The following CAMK1D variants were observed in gnomAD, a reference collection of about 807,000 sequenced individuals.
The protein encoded by CAMK1D is calcium/calmodulin-dependent protein kinase type 1D.
In CAMK1D, 9 loss-of-function variants were observed where a neutral mutation model predicts 47.7. The observed-to-expected ratio is 0.19, with a 90% CI of 0.11 to 0.33. The LOEUF is 0.33. CAMK1D is among the 10% of genes least tolerant of loss of function. The pLI is 1.00. For missense variants in CAMK1D, 291 were observed against 488.7 expected, an observed-to-expected ratio of 0.60 and a Z score of 3.81; for synonymous variants, 184 against 184.9, an observed-to-expected ratio of 0.99 and a Z score of 0.04.
intron 1 of CAMK1D, among the ~76,000 whole-genome samples, chr10:12,474,199 CTTTTT>C (rs35554522): frequency 8.4e-6 from 1 of 119,348 alleles, no homozygotes; most frequent in Admixed American, 9.1e-5. Flanking sequence ...GAGGATCGTT[CTTTTT>C]TTTTTTTTTT....
intron 6 of CAMK1D, among the ~76,000 whole-genome samples, chr10:12,795,545 C>T (rs1308404148): frequency 2.6e-5 from 4 of 152,150 alleles, no homozygotes; most frequent in Non-Finnish European, 4.4e-5. Flanking sequence ...AGAGGTCAGC[C>T]CCTGCAGTGT....
intron 1 of CAMK1D, among the ~76,000 whole-genome samples, chr10:12,364,837 A>ATAAAAGTCG (rs1837785526): frequency 6.6e-6 from 1 of 152,068 alleles, no homozygotes; most frequent in Admixed American, 6.6e-5. Flanking sequence ...CCTGACTTAG[A>ATAAAAGTCG]CTTTTAGGAG....
At chr10:12,555,569 C>T (rs1464648429) in intron 2 of CAMK1D, among the ~76,000 whole-genome samples, 1 of 152,150 alleles carries the variant, frequency 6.6e-6, no homozygotes, top group African/African-American at 2.4e-5. Flanking sequence ...CAGGAAAACA[C>T]GATGTTAATG....
At position 12,427,709 on chromosome 10, in the gene CAMK1D, T is replaced by TG. The variant is rs1249843759; in HGVS notation, c.92+77799_92+77800insG. On this transcript the variant is annotated intron_variant, in intron 1 of 10. Transcript: ENST00000619168. ...CTTCACTGAACTTACTGTTTTTTTTTTTTTTTTTTTTTTTTTGAGACGGAG... is the reference window on the plus strand; with the variant it reads ...CTTCACTGAACTTACTGTTTTTTTTTGTTTTTTTTTTTTTTTTGAGACGGAG... Among the ~76,000 whole-genome samples, 32 of 107,012 alleles carry TG rather than the reference T, an allele frequency of 3.0e-4. 2 individuals carry two copies. The highest frequency in any genetic ancestry group is 1.1e-3 in the African/African-American group (30 of 27,102). 70.2% of individuals were successfully genotyped at this position (107,012 alleles called of 152,430 possible).
chr10:12,680,807 C>T (rs1840966897), intron 3 of CAMK1D, among the ~76,000 whole-genome samples: 2 of 151,786 alleles, frequency 1.3e-5, no homozygotes. Context: ...ATTGCTTGCA[C>T]CCAGGAATTC....
chr10:12,705,750 G>C (rs140190875), intron 3 of CAMK1D, among the ~76,000 whole-genome samples: 210 of 152,346 alleles, frequency 1.4e-3, no homozygotes, highest in Non-Finnish European at 2.1e-3. Context: ...CATGCTTTCT[G>C]TCAGTATCAT....
intron 7 of CAMK1D, 40 bp downstream of exon 7, chr10:12,814,347 C>A: frequency 7.6e-7 from 1 of 1,315,752 alleles, no homozygotes; most frequent in Admixed American, 1.7e-5. Context: ...GCGGCCCCCG[C>A]GACACTTACA....
At chr10:12,700,853 C>T (rs1208328043) in intron 3 of CAMK1D, among the ~76,000 whole-genome samples, 2 of 152,156 alleles carry the variant, frequency 1.3e-5, no homozygotes, top group Non-Finnish European at 2.9e-5. Context: ...AAATTTTAGC[C>T]AGCAGGTGAA....
At chr10:12,445,923 G>A (rs1248487889) in intron 1 of CAMK1D, among the ~76,000 whole-genome samples, 2 of 152,022 alleles carry the variant, frequency 1.3e-5, no homozygotes, top group African/African-American at 4.8e-5. Flanking sequence ...AATGTCAAAT[G>A]CTAATTTTAG....
At chr10:12,662,651 C>CAAAAAAAAAAAAAAAAAAAAAAAAA (rs56807588) in intron 2 of CAMK1D, among the ~76,000 whole-genome samples, 7 of 140,506 alleles carry the variant, frequency 5.0e-5, no homozygotes, top group South Asian at 2.4e-4. Flanking sequence ...CACTCTGCCT[C>CAAAAAAAAAAAAAAAAAAAAAAAAA]AAAAAAAAAA....
At chr10:12,809,811 G>C (rs1004935435) in intron 6 of CAMK1D, among the ~76,000 whole-genome samples, 1 of 152,078 alleles carries the variant, frequency 6.6e-6, no homozygotes, top group Admixed American at 6.6e-5. Context: ...GAGACCTCCC[G>C]TGCTACATTG....
intron 2 of CAMK1D, among the ~76,000 whole-genome samples, chr10:12,577,865 C>G (rs145846555): frequency 2.0e-5 from 3 of 152,318 alleles, no homozygotes; most frequent in Non-Finnish European, 4.4e-5. Flanking sequence ...TAATGTCATT[C>G]CCAGGATCCC....
At chr10:12,763,729 TA>T (rs1320733615) in intron 4 of CAMK1D, among the ~76,000 whole-genome samples, 1 of 152,258 alleles carries the variant, frequency 6.6e-6, no homozygotes, top group African/African-American at 2.4e-5. Flanking sequence ...TGGATAACAT[TA>T]ACGTTACCAG....
intron 1 of CAMK1D, among the ~76,000 whole-genome samples, chr10:12,418,559 G>A (rs1267379018): frequency 6.6e-6 from 1 of 152,114 alleles, no homozygotes; most frequent in Non-Finnish European, 1.5e-5. Context: ...AGTGAGCTAG[G>A]ATCATGCACT....
chr10:12,671,911 CTT>C (rs773722384), intron 3 of CAMK1D, among the ~76,000 whole-genome samples: 8 of 98,908 alleles, frequency 8.1e-5, no homozygotes, highest in Non-Finnish European at 8.4e-5. Flanking sequence ...TCACCTAATT[CTT>C]TTTTTTTTTT....
In CAMK1D at chr10:12,364,232, A is replaced by G. The variant is rs768303707; in HGVS notation, c.92+14322A>G. Among the ~76,000 whole-genome samples, 147 of 131,872 alleles carry G rather than the reference A, an allele frequency of 1.1e-3. 1 individual carries two copies. The highest frequency in any genetic ancestry group is 4.8e-3 in the Admixed American group (54 of 11,204). The allele number at this position is 131,872 out of a possible 152,430, so 86.5% of individuals were successfully genotyped here. On this transcript the variant is annotated intron_variant, in intron 1 of 10. Coordinates refer to ENST00000619168, the MANE Select transcript of CAMK1D (RefSeq NM_153498.4). ...TAGGAGTCTCTTGACTCCAATGCGCATTCTCTTTTTTTTTTTTTTTTTTTT... is the reference window on the plus strand; with the variant it reads ...TAGGAGTCTCTTGACTCCAATGCGCGTTCTCTTTTTTTTTTTTTTTTTTTT...
intron 5 of CAMK1D, among the ~76,000 whole-genome samples, chr10:12,788,835 G>C (rs568423679): frequency 6.6e-6 from 1 of 152,328 alleles, no homozygotes; most frequent in East Asian, 1.9e-4. Context: ...TTGTAGTTCT[G>C]TCTCTCATTT....
At chr10:12,556,970 A>G (rs1836781660) in intron 2 of CAMK1D, among the ~76,000 whole-genome samples, 1 of 152,146 alleles carries the variant, frequency 6.6e-6, no homozygotes, top group African/African-American at 2.4e-5. Context: ...AACACAGTGG[A>G]ATCTGTAGGA....
chr10:12,767,515 C>T lies in CAMK1D; in HGVS notation c.439-2158C>T, dbSNP rs766929280. ...TTTAGAAAGTTTATTTTGCCAAGGT[C>T]AAGAATGTGCCCATGACACAGCCTC... On this transcript the variant is annotated intron_variant, in intron 4 of 10. Transcript: ENST00000619168. Among the ~76,000 whole-genome samples the T allele has an allele frequency of 1.8e-4, 28 of 152,046 alleles. 1 individual carries two copies. Among genetic ancestry groups the T allele is most frequent in the South Asian group, 4.1e-4 (2 of 4,822 alleles).
Sources: gnomAD v4.1 joint callset for allele counts (sites outside exome capture counted in the v4.1 genomes callset) on GRCh38, gnomAD v4.1.1 for gene constraint, MANE v1.5 for transcripts, NCBI Gene and HGNC (gene_info 2026-07-23, HGNC 2026-07-21) for gene names.